The following SULF2 variants were observed in gnomAD, a reference collection of about 807,000 sequenced individuals.
SULF2 encodes extracellular sulfatase Sulf-2.
In SULF2, 52 loss-of-function variants were observed where a neutral mutation model predicts 107.7. That is an observed-to-expected ratio of 0.48 (90% CI 0.39 to 0.61). The LOEUF is 0.61. Among genes scored for constraint, SULF2 ranks in the 20% least tolerant of loss-of-function variants. The pLI is 0.00. For synonymous variants in SULF2, 460 were observed against 464.3 expected, an observed-to-expected ratio of 0.99 and a Z score of 0.12; for missense variants, 993 against 1,177.3, an observed-to-expected ratio of 0.84 and a Z score of 2.29.
chr20:47,715,847 G>A (rs143384485), intron 3 of SULF2, among the ~76,000 whole-genome samples: 15,703 of 152,252 alleles, frequency 0.1, 818 homozygotes, highest in Middle Eastern at 0.18. Context: ...CCAAAGTGCT[G>A]GGATTACAGG....
chr20:47,690,853 A>G (rs986267096), intron 4 of SULF2, among the ~76,000 whole-genome samples: 6 of 146,144 alleles, frequency 4.1e-5, no homozygotes, highest in African/African-American at 1.6e-4. Flanking sequence ...TGGGTGACAA[A>G]GCAAGACTCT....
chr20:47,702,618 G>A lies in SULF2; in HGVS notation c.468C>T (p.Gly156=). ...NEYNGSYVPP[G]WKEWVGLLKN... is the part of the protein sequence containing the mutation. ...TAAGGAGTCCGACCCACTCCTTCCAGCCGGGTGGCACGTAGGAGCCGTTGT... is the reference window on the plus strand; with the variant it reads ...TAAGGAGTCCGACCCACTCCTTCCAACCGGGTGGCACGTAGGAGCCGTTGT... The change falls in exon 4 of 21, where the codon GGC becomes GGT. Residue 156 remains glycine (G), a synonymous_variant. Coordinates refer to ENST00000688720, the MANE Select transcript of SULF2 (RefSeq NM_001387048.1). The A allele has an allele frequency of 2.5e-6, 4 of 1,613,898 alleles. No homozygotes were observed. Among genetic ancestry groups the A allele is most frequent in the Non-Finnish European group, 3.4e-6 (4 of 1,180,010 alleles).
chr20:47,731,121 G>A (rs978245050), intron 3 of SULF2, among the ~76,000 whole-genome samples: 2 of 150,128 alleles, frequency 1.3e-5, no homozygotes, highest in African/African-American at 4.9e-5. Flanking sequence ...CTCCAGCCTC[G>A]TGATATGATC....
rs541210785 is a variant in SULF2 at position 47,773,028 on chromosome 20, C to A, written c.-101+12315G>T. ...AGATGGGGTGGCGCCTGGACTACAC[C>A]GGAAACACCATTTCCAAAGTAAAAA... On this transcript the variant is annotated intron_variant, in intron 1 of 20. Coordinates refer to ENST00000688720, the MANE Select transcript of SULF2 (RefSeq NM_001387048.1). Among the ~76,000 whole-genome samples the A allele has an allele frequency of 3.9e-5, 6 of 152,158 alleles. No homozygotes were observed. In the East Asian group the frequency reaches 9.8e-4, roughly 25 times the overall value.
At chr20:47,738,585 A>G (rs1250810654) in intron 2 of SULF2, among the ~76,000 whole-genome samples, 1 of 152,020 alleles carries the variant, frequency 6.6e-6, no homozygotes, top group Non-Finnish European at 1.5e-5. Flanking sequence ...GAGACAGTTG[A>G]ATCATGGGGG....
At chr20:47,737,063 G>A in intron 2 of SULF2, 121 bp from the exon 3 acceptor site, 2 of 1,419,590 alleles carry the variant, frequency 1.4e-6, no homozygotes, top group Non-Finnish European at 9.6e-7. Context: ...GACCTACGGG[G>A]CAGACGGGGC....
At chr20:47,707,650 C>T (rs1272033916) in intron 3 of SULF2, among the ~76,000 whole-genome samples, 2 of 152,188 alleles carry the variant, frequency 1.3e-5, no homozygotes, top group African/African-American at 2.4e-5. Context: ...CTCAATTCCT[C>T]CCCTGTGTGC....
chr20:47,738,736 T>A (rs1279205898), intron 2 of SULF2, among the ~76,000 whole-genome samples: 1 of 152,212 alleles, frequency 6.6e-6, no homozygotes, highest in Admixed American at 6.5e-5. Flanking sequence ...TCTGCCATGA[T>A]CCTGAGGCCT....
intron 2 of SULF2, among the ~76,000 whole-genome samples, chr20:47,753,098 C>CAAAAA (rs10578438): frequency 6.6e-5 from 6 of 90,682 alleles, no homozygotes; most frequent in African/African-American, 2.3e-4. Context: ...GAGACTCTCT[C>CAAAAA]AAAAAAAAAA....
At chr20:47,716,612 T>C (rs2089130127) in intron 3 of SULF2, among the ~76,000 whole-genome samples, 2 of 152,358 alleles carry the variant, frequency 1.3e-5, no homozygotes, top group Non-Finnish European at 1.5e-5. Context: ...TCTTGTTTAC[T>C]GGAAGGCAGC....
At chr20:47,720,498 T>C (rs113921265) in intron 3 of SULF2, among the ~76,000 whole-genome samples, 1 of 152,052 alleles carries the variant, frequency 6.6e-6, no homozygotes, top group African/African-American at 2.4e-5. Flanking sequence ...CCTCAAGTGA[T>C]CCACCCACCT....
At chr20:47,783,521 A>C (rs2090868466) in intron 1 of SULF2, among the ~76,000 whole-genome samples, 1 of 152,262 alleles carries the variant, frequency 6.6e-6, no homozygotes, top group African/African-American at 2.4e-5. Context: ...GCATGCACAC[A>C]CACTGCTATG....
Position 47,678,743 on chromosome 20 carries a change from C to T in SULF2, c.1126G>A (p.Asp376Asn). Residue 376 changes from aspartate (D) to asparagine (N), a missense_variant, in exon 8 of 21, where the codon GAC (aspartate) becomes AAC (asparagine). Asp to Asn is a conservative substitution (Grantham distance 23, BLOSUM62 1). Around this residue, in one of 3 missense-constraint regions of SULF2, gnomAD observed 108 missense variants for 183.9 expected, o/e 0.59. Coordinates refer to ENST00000688720, the MANE Select transcript of SULF2 (RefSeq NM_001387048.1). This position sits in a 1 kb window ranked among gnomAD's most constrained non-coding sequence, Gnocchi z 4.5. The stretch of plus-strand genomic sequence containing the variant: ...TTCCCGTCCATATCCGCAGGTATGT[C>T]CAGGCCTGCAATGTCCAGGATGGTG... ...APTILDIAGL[D>N]IPADMDGKSI... 2 of 1,613,966 alleles carry T rather than the reference C, an allele frequency of 1.2e-6. No homozygotes were observed. Among genetic ancestry groups the T allele is most frequent in the Non-Finnish European group, 1.7e-6 (2 of 1,179,966 alleles).
At chr20:47,784,758 A>G (rs549203242) in intron 1 of SULF2, among the ~76,000 whole-genome samples, 4 of 152,276 alleles carry the variant, frequency 2.6e-5, no homozygotes, top group African/African-American at 9.6e-5. Flanking sequence ...GACTTCTGAA[A>G]CCCCGAGGAG....
intron 1 of SULF2, 90 bp downstream of exon 1, chr20:47,785,253 G>C (rs1426206128): frequency 1.3e-5 from 2 of 148,576 alleles, no homozygotes; most frequent in East Asian, 4.0e-4. Context: ...TCGCGGCCGG[G>C]CTCACGCCGG....
At position 47,694,541 on chromosome 20, in the gene SULF2, C is replaced by A. The variant is rs1204113123; in HGVS notation, c.568-4246G>T. 2.6e-5 allele frequency among the ~76,000 whole-genome samples: 4 copies of A among 152,116 alleles called. No individual in the cohort carries two copies. The highest frequency in any genetic ancestry group is 4.4e-5 in the Non-Finnish European group (3 of 68,006). On this transcript the variant is annotated intron_variant, in intron 4 of 20. Transcript: ENST00000688720. The surrounding 1 kb of genome is among the most constrained non-coding windows in gnomAD (Gnocchi z 4.4). ...CCCGGCGCCCAGGAGTCAGGCTCTA[C>A]CCAGGTGCTGCTGGCCTGCACAGCT...
chr20:47,745,401 AAAAAAAAAAATATATATAT>A (rs1324268701), intron 2 of SULF2, among the ~76,000 whole-genome samples: 6 of 38,744 alleles, frequency 1.5e-4, no homozygotes, highest in South Asian at 1.1e-3. Flanking sequence ...AAAAAAAAAA[AAAAAAAAAAATATATATAT>A]ATATATATAT....
chr20:47,705,340 G>A (rs1046695983), intron 3 of SULF2, among the ~76,000 whole-genome samples: 4 of 152,188 alleles, frequency 2.6e-5, no homozygotes, highest in Non-Finnish European at 4.4e-5. Context: ...AGGAGGAGGC[G>A]GGGAACCGGC....
chr20:47,697,013 A>AAGGGG (rs2088401969), intron 4 of SULF2, among the ~76,000 whole-genome samples: 2 of 152,180 alleles, frequency 1.3e-5, no homozygotes, highest in South Asian at 4.1e-4. Context: ...ACGCTGCGGC[A>AAGGGG]AGGGGCGGGG....
Sources: gnomAD v4.1 joint callset for allele counts (sites outside exome capture counted in the v4.1 genomes callset) on GRCh38, gnomAD v4.1.1 for gene constraint, gnomAD v4.1.1 regional missense constraint, Gnocchi (gnomAD v3.1) non-coding constraint, MANE v1.5 for transcripts, NCBI Gene and HGNC (gene_info 2026-07-23, HGNC 2026-07-21) for gene names.